Variants in MTCH1 observed in about 807,000 individuals in gnomAD.
MTCH1 encodes mitochondrial carrier homolog 1.
A neutral mutation model predicts 49.3 loss-of-function variants in MTCH1; 23 were observed. The observed-to-expected ratio is 0.47, with a 90% confidence interval of 0.34 to 0.66. MTCH1 has a LOEUF of 0.66. MTCH1 is among the 30% of genes least tolerant of loss of function. MTCH1 has a pLI of 0.01. For missense variants in MTCH1, 397 were observed against 532.1 expected (o/e 0.75, Z 2.50); for synonymous variants, 229 against 215.2 (o/e 1.06, Z -0.56).
At chr6:36,979,715 G>C (rs1197847795) in intron 2 of MTCH1, among the ~76,000 whole-genome samples, 1 of 152,162 alleles carries the variant, frequency 6.6e-6, no homozygotes, top group Non-Finnish European at 1.5e-5. Flanking sequence ...TTCACAGAGT[G>C]AACAGGCAAA....
intron 11 of MTCH1, chr6:36,969,663 A>G: frequency 8.4e-7 from 1 of 1,196,744 alleles, no homozygotes. Flanking sequence ...ACAACCCAGG[A>G]ACTCAGCTCA....
At chr6:36,969,325 C>T (rs1763589917) in intron 11 of MTCH1, 1 of 1,114,070 alleles carries the variant, frequency 9.0e-7, no homozygotes, top group African/African-American at 1.6e-5. Flanking sequence ...AGAACTGCGG[C>T]TCTCCTCCCT....
chr6:36,970,495 G>A, intron 9 of MTCH1, 22 bp from the exon 10 acceptor site: 1 of 1,614,056 alleles, frequency 6.2e-7, no homozygotes, highest in Non-Finnish European at 8.5e-7. Flanking sequence ...AGAGGCCTGA[G>A]TGCCAGTGAC....
At chr6:36,969,212 G>A (rs762158165) in intron 11 of MTCH1, 32 of 985,434 alleles carry the variant, frequency 3.2e-5, no homozygotes, top group Non-Finnish European at 3.9e-5. Flanking sequence ...GCCCTAGAGA[G>A]GAGGCTCATT....
upstream of MTCH1, among the ~76,000 whole-genome samples, chr6:36,986,540 A>C (rs1664557556): frequency 6.6e-6 from 1 of 151,830 alleles, no homozygotes; most frequent in Admixed American, 6.5e-5. Context: ...TGGCTTCGGG[A>C]GTTTTCTCTG....
Position 36,969,246 on chromosome 6 carries a change from G to A in MTCH1, c.1099-272C>T, listed in dbSNP as rs566327303. The A allele has an allele frequency of 4.2e-5, 41 of 985,460 alleles. No homozygotes were observed. The African/African-American group carries it at 5.1e-4, about 12-fold the overall frequency. The allele number at this position is 985,460 out of a possible 1,614,324, so 61.0% of individuals were successfully genotyped here. Reference sequence around the variant, plus strand: ...TTGCCCCTCTTGCTTCAGAGCCCAAGTGGTCTAGGACTCTTTCAGTGCTCA... The same window carrying A: ...TTGCCCCTCTTGCTTCAGAGCCCAAATGGTCTAGGACTCTTTCAGTGCTCA... On this transcript the variant is annotated intron_variant, in intron 11 of 11. Transcript: ENST00000373627.
At position 36,972,620 on chromosome 6, in the gene MTCH1, G is replaced by A. The variant is rs1453694434; in HGVS notation, c.906+32C>T. Reference sequence around the variant, plus strand: ...CAGACCCTGGGCATCAGCAGCACACGGAAAGAAGGACAAGTCCTTGTTCCA... The same window carrying A: ...CAGACCCTGGGCATCAGCAGCACACAGAAAGAAGGACAAGTCCTTGTTCCA... On this transcript the variant is annotated intron_variant, in intron 8 of 11. Coordinates refer to ENST00000373627, the MANE Select transcript of MTCH1 (RefSeq NM_001271641.2). This position sits in a 1 kb window ranked among gnomAD's most constrained non-coding sequence, Gnocchi z 4.1. 6 of 1,535,582 alleles carry A rather than the reference G, an allele frequency of 3.9e-6. No homozygotes were observed. The highest frequency in any genetic ancestry group is 1.4e-5 in the African/African-American group (1 of 72,866).
chr6:36,977,644 G>A lies in MTCH1; in HGVS notation c.639C>T (p.His213=), dbSNP rs61753799. The A allele has an allele frequency of 7.1e-4, 1,148 of 1,609,630 alleles. 6 individuals are homozygous for A. The African/African-American group carries it at 0.014, about 20-fold the overall frequency. The change falls in exon 5 of 12, where the codon CAC becomes CAT. Residue 213 remains histidine, a synonymous_variant. Transcript: ENST00000373627. The surrounding 1 kb of genome is among the most constrained non-coding windows in gnomAD (Gnocchi z 5.4). ...MMQCVSRMLA[H]PLHVISMRCM... is the part of the protein sequence containing the mutation. ...AGGGGGGTGGCTTACCATGCAGGGG[G>A]TGGGCCAACATGCGGGACACACACT...
Position 36,978,118 on chromosome 6 carries a change from T to C in MTCH1, c.551A>G (p.Lys184Arg). The C allele has an allele frequency of 6.2e-7, 1 of 1,613,966 alleles. No individual in the cohort carries two copies. The highest frequency in any genetic ancestry group is 1.7e-5 in the Admixed American group (1 of 60,020). Residue 184 changes from lysine (K) to arginine (R), a missense_variant, in exon 4 of 12, where the codon AAG (lysine) becomes AGG (arginine). This residue lies in a region of MTCH1 where 252 missense variants were observed against 388.3 expected (regional missense o/e 0.65). Coordinates refer to ENST00000373627, the MANE Select transcript of MTCH1 (RefSeq NM_001271641.2). ...PPDEIEQVSN[K>R]DDMKTSLKKV... is the part of the protein sequence containing the mutation. Reference sequence around the variant, plus strand: ...CTTCAGGGAAGTCTTCATATCATCCTTGTTGGAAACCTGCTCAATCTCATC... The same window carrying C: ...CTTCAGGGAAGTCTTCATATCATCCCTGTTGGAAACCTGCTCAATCTCATC...
chr6:36,977,207 G>A lies in MTCH1; in HGVS notation c.693C>T (p.Ala231=). The change falls in exon 6 of 12, where the codon GCC becomes GCT. Residue 231 remains alanine (A), a synonymous_variant. Coordinates refer to ENST00000373627, the MANE Select transcript of MTCH1 (RefSeq NM_001271641.2). The surrounding 1 kb of genome is among the most constrained non-coding windows in gnomAD (Gnocchi z 5.4). ...RCMVQFVGRE[A]KYSGVLSSIG... ...TCCCAAGAGTTACCCACCTGTACTT[G>A]GCCTCCCGTCCCACAAACTGGACCA... The A allele has an allele frequency of 1.2e-6, 2 of 1,613,902 alleles. No individual in the cohort carries two copies. Among genetic ancestry groups the A allele is most frequent in the South Asian group, 2.2e-5 (2 of 91,076 alleles).
chr6:36,980,119 T>C (rs1047061488), intron 2 of MTCH1, among the ~76,000 whole-genome samples: 4 of 152,164 alleles, frequency 2.6e-5, no homozygotes, highest in Admixed American at 6.5e-5. Flanking sequence ...CCTCTCTGAC[T>C]CCAGAGTAGG....
intron 8 of MTCH1, 157 bp from the exon 9 acceptor site, chr6:36,970,851 C>G (rs1763657915): frequency 4.8e-6 from 4 of 841,950 alleles, no homozygotes; most frequent in South Asian, 1.5e-5. Flanking sequence ...CAGAGAAGGC[C>G]TGGGGGGCAG....
Position 36,977,982 on chromosome 6 carries a change from A to G in MTCH1, c.591+96T>C. Reference sequence around the variant, plus strand: ...CCCACCCATGCATACACAAGGACCCAACTCTTCGACTTGTCAATGACCCGC... The same window carrying G: ...CCCACCCATGCATACACAAGGACCCGACTCTTCGACTTGTCAATGACCCGC... On this transcript the variant is annotated intron_variant, in intron 4 of 11. Coordinates refer to ENST00000373627, the MANE Select transcript of MTCH1 (RefSeq NM_001271641.2). This position sits in a 1 kb window ranked among gnomAD's most constrained non-coding sequence, Gnocchi z 5.4. 8.8e-7 allele frequency: 1 copy of G among 1,137,634 alleles called. No individual in the cohort carries two copies. Among genetic ancestry groups the G allele is most frequent in the South Asian group, 1.3e-5 (1 of 78,532 alleles). 70.5% of individuals were successfully genotyped at this position (1,137,634 alleles called of 1,614,324 possible). A position where few individuals can be genotyped will look rare whatever the true frequency, so the allele number is the denominator to read the frequency against.
intron 6 of MTCH1, chr6:36,976,526 A>G: frequency 2.1e-6 from 1 of 471,164 alleles, no homozygotes; most frequent in Non-Finnish European, 4.4e-6. Flanking sequence ...GAATGGGCCA[A>G]TTTCCCATTA....
chr6:36,976,558 A>G (rs368903059), intron 6 of MTCH1: 24 of 471,066 alleles, frequency 5.1e-5, no homozygotes, highest in African/African-American at 3.6e-4. Context: ...ATGAGGCACC[A>G]TGGCAGCTGA....
In MTCH1 at chr6:36,982,379, TA is replaced by T. The variant is rs1460730168; in HGVS notation, c.322-708del. ...GCTTCTTATATCTGAAATATTTATT[TA>T]TTTATTTTTTTTTTTGAGATGGAGT... On this transcript the variant is annotated intron_variant, in intron 1 of 11. Coordinates refer to ENST00000373627, the MANE Select transcript of MTCH1 (RefSeq NM_001271641.2). The surrounding 1 kb of genome is among the most constrained non-coding windows in gnomAD (Gnocchi z 4.1). Among the ~76,000 whole-genome samples the T allele has an allele frequency of 6.6e-6, 1 of 151,330 alleles. No homozygotes were observed. Among genetic ancestry groups the T allele is most frequent in the African/African-American group, 2.4e-5 (1 of 40,852 alleles).
rs144436327 is a variant in MTCH1, at chr6:36,978,306, G to C, written c.514-151C>G. On this transcript the variant is annotated intron_variant, in intron 3 of 11. Coordinates refer to ENST00000373627, the MANE Select transcript of MTCH1 (RefSeq NM_001271641.2). Reference sequence around the variant, plus strand: ...AGGTAACCTCCAGGTCTGGAGCTTGGGGGGAAAAGAAAGCCACTATCTGGT... The same window carrying C: ...AGGTAACCTCCAGGTCTGGAGCTTGCGGGGAAAAGAAAGCCACTATCTGGT... The C allele has an allele frequency of 3.5e-4, 305 of 870,892 alleles. 1 individual carries two copies. The highest frequency in any genetic ancestry group is 2.1e-3 in the Middle Eastern group (9 of 4,332). The allele number at this position is 870,892 out of a possible 1,614,324, so 53.9% of individuals were successfully genotyped here. A position where few individuals can be genotyped will look rare whatever the true frequency, so the allele number is the denominator to read the frequency against.
intron 2 of MTCH1, among the ~76,000 whole-genome samples, chr6:36,979,299 AC>A (rs1421393096): frequency 6.6e-6 from 1 of 152,112 alleles, no homozygotes; most frequent in Non-Finnish European, 1.5e-5. Context: ...TGGAAGCTAG[AC>A]CCTACCTGTG....
chr6:36,969,531 C>T (rs1763596030), intron 11 of MTCH1: 3 of 1,131,260 alleles, frequency 2.7e-6, no homozygotes, highest in Non-Finnish European at 3.3e-6. Flanking sequence ...GTACAGAACA[C>T]GAGAACCCAA....
Sources: gnomAD v4.1 joint callset for allele counts (sites outside exome capture counted in the v4.1 genomes callset) on GRCh38, gnomAD v4.1.1 for gene constraint, gnomAD v4.1.1 regional missense constraint, Gnocchi (gnomAD v3.1) non-coding constraint, MANE v1.5 for transcripts, NCBI Gene and HGNC (gene_info 2026-07-23, HGNC 2026-07-21) for gene names.